The following EXPH5 variants were observed in gnomAD, a reference collection of about 807,000 sequenced individuals.
EXPH5 encodes the protein exophilin 5.
Under a neutral mutation model 41.1 loss-of-function variants are expected in EXPH5, and 42 were observed. The observed-to-expected ratio is 1.02, with a 90% CI of 0.80 to 1.32. The LOEUF (loss-of-function observed/expected upper bound fraction) is 1.32, where lower values mean the gene tolerates loss of function less well. Ranked by LOEUF, EXPH5 falls within the 40% of genes most tolerant of loss-of-function variation. The probability of loss-of-function intolerance (pLI) is 0.00; values close to 1 mark genes in which losing one functional copy is unlikely to be tolerated. For synonymous variants in EXPH5, 798 were observed against 833.5 expected, an observed-to-expected ratio of 0.96 and a Z score of 0.73; for missense variants, 2,298 against 2,314.5, an observed-to-expected ratio of 0.99 and a Z score of 0.15.
In EXPH5 at chr11:108,510,658, C is replaced by A; in HGVS notation, c.4849G>T (p.Ala1617Ser). 8 of 1,614,158 alleles carry A rather than the reference C, an allele frequency of 5.0e-6. No homozygotes were observed. Among genetic ancestry groups the A allele is most frequent in the Non-Finnish European group, 6.8e-6 (8 of 1,180,026 alleles). ...CTTCCACTTTGGGGGAAGATAGTAG[C>A]TACATGTCTTCTGGGGCTTACATCT... ...AKDVSPRRHVATIFPQSGSRS... is the reference protein window; with the variant it reads ...AKDVSPRRHVSTIFPQSGSRS... Residue 1617 changes from alanine (A) to serine (S), a missense_variant, in exon 6 of 6, where the codon GCT (alanine) becomes TCT (serine). Physicochemically the swap from Ala to Ser is moderately conservative, Grantham distance 99. Transcript: ENST00000265843.
upstream of EXPH5, among the ~76,000 whole-genome samples, chr11:108,595,702 G>T (rs11825762): frequency 0.044 from 6,765 of 152,266 alleles, 373 homozygotes; most frequent in African/African-American, 0.13. Flanking sequence ...CACAAGGGAG[G>T]TGATTGTGAA....
At chr11:108,603,617 C>T in the EXPH5 span, among the ~76,000 whole-genome samples, 2 of 152,232 alleles carry the variant, frequency 1.3e-5, no homozygotes, top group African/African-American at 4.8e-5. Context: ...AGTCCACATA[C>T]AAGCTCAGTA....
chr11:108,528,574 A>G (rs1300838641), intron 3 of EXPH5, among the ~76,000 whole-genome samples: 1 of 151,896 alleles, frequency 6.6e-6, no homozygotes, highest in African/African-American at 2.4e-5. Context: ...GGCTACTCCC[A>G]TTTTACGGAT....
intron 1 of EXPH5, among the ~76,000 whole-genome samples, chr11:108,589,025 C>G (rs1366355523): frequency 6.6e-6 from 1 of 152,208 alleles, no homozygotes; most frequent in Non-Finnish European, 1.5e-5. Context: ...AGAACTTGCT[C>G]AAGCCTCCTG....
At chr11:108,567,563 TC>T (rs2094039952) in intron 1 of EXPH5, among the ~76,000 whole-genome samples, 2 of 152,296 alleles carry the variant, frequency 1.3e-5, no homozygotes, top group Admixed American at 1.3e-4. Flanking sequence ...TGTCCTGTCC[TC>T]CCAAACAGAT....
intron 1 of EXPH5, among the ~76,000 whole-genome samples, chr11:108,566,357 G>T (rs2094034520): frequency 6.6e-6 from 1 of 152,176 alleles, no homozygotes; most frequent in Non-Finnish European, 1.5e-5. Context: ...GCATGGAGGG[G>T]GGTGGTGGGG....
At chr11:108,530,414 T>C (rs2093829691) in intron 3 of EXPH5, among the ~76,000 whole-genome samples, 1 of 152,086 alleles carries the variant, frequency 6.6e-6, no homozygotes, top group Non-Finnish European at 1.5e-5. Flanking sequence ...GTAAAATGCA[T>C]GGGAAATGCA....
intron 1 of EXPH5, among the ~76,000 whole-genome samples, chr11:108,587,716 C>T (rs995734199): frequency 2.0e-5 from 3 of 152,184 alleles, no homozygotes; most frequent in Non-Finnish European, 4.4e-5. Context: ...GTCAAACATT[C>T]CATATTTATT....
intron 4 of EXPH5, among the ~76,000 whole-genome samples, chr11:108,524,238 G>T (rs1044417588): frequency 1.3e-5 from 2 of 152,138 alleles, no homozygotes; most frequent in Admixed American, 6.6e-5. Flanking sequence ...TAATCTCTTT[G>T]TACCTTAGTT....
At chr11:108,595,156 G>A (rs556976713), upstream of EXPH5, among the ~76,000 whole-genome samples, 126 of 152,260 alleles carry the variant, frequency 8.3e-4, no homozygotes, top group Admixed American at 4.0e-3. Flanking sequence ...TTCAACCAAC[G>A]TATCCTGGTG....
chr11:108,567,708 A>AATGGG (rs2094040657), intron 1 of EXPH5, among the ~76,000 whole-genome samples: 1 of 152,190 alleles, frequency 6.6e-6, no homozygotes, highest in Non-Finnish European at 1.5e-5. Context: ...TGATCCCCTA[A>AATGGG]ATGTTAAATG....
chr11:108,598,222 T>C (rs1032538555), upstream of EXPH5, among the ~76,000 whole-genome samples: 2 of 152,180 alleles, frequency 1.3e-5, no homozygotes, highest in African/African-American at 4.8e-5. Context: ...TGTCCTCAAA[T>C]TGGTTGAATA....
chr11:108,523,004 C>G (rs1212687836), intron 4 of EXPH5, among the ~76,000 whole-genome samples: 1 of 151,960 alleles, frequency 6.6e-6, no homozygotes, highest in Non-Finnish European at 1.5e-5. Flanking sequence ...ACCTCAGCCT[C>G]TTGAGTAACT....
intron 4 of EXPH5, among the ~76,000 whole-genome samples, chr11:108,523,622 A>C (rs1188089537): frequency 6.6e-6 from 1 of 152,220 alleles, no homozygotes; most frequent in African/African-American, 2.4e-5. Flanking sequence ...CTGTAATCTC[A>C]GCATTTTGGG....
At chr11:108,578,014 CT>C (rs1357648168) in intron 1 of EXPH5, among the ~76,000 whole-genome samples, 1 of 152,034 alleles carries the variant, frequency 6.6e-6, no homozygotes, top group Non-Finnish European at 1.5e-5. Context: ...TTGATTGTTT[CT>C]TTGCTGTGGA....
the EXPH5 span, among the ~76,000 whole-genome samples, chr11:108,605,750 A>G: frequency 2.0e-4 from 31 of 152,326 alleles, no homozygotes; most frequent in African/African-American, 7.0e-4. Flanking sequence ...TGCCATGCCT[A>G]CTGTATAGTG....
chr11:108,574,189 G>A (rs1303609009), intron 1 of EXPH5, among the ~76,000 whole-genome samples: 3 of 151,826 alleles, frequency 2.0e-5, no homozygotes, highest in African/African-American at 4.8e-5. Context: ...GATTACAGGC[G>A]TGAGCCACCG....
chr11:108,573,198 AAAAG>A (rs144108239), intron 1 of EXPH5, among the ~76,000 whole-genome samples: 1,266 of 107,836 alleles, frequency 0.012, 13 homozygotes, highest in Middle Eastern at 0.024. Context: ...GAAAGAAAGA[AAAAG>A]AAAGAAAGAA....
At chr11:108,540,097 C>T (rs540740767) in intron 2 of EXPH5, among the ~76,000 whole-genome samples, 1 of 152,148 alleles carries the variant, frequency 6.6e-6, no homozygotes, top group African/African-American at 2.4e-5. Flanking sequence ...GTGGGCGGTG[C>T]ATCACCTGAG....
Sources: gnomAD v4.1 joint callset for allele counts (sites outside exome capture counted in the v4.1 genomes callset) on GRCh38, gnomAD v4.1.1 for gene constraint, MANE v1.5 for transcripts, NCBI Gene and HGNC (gene_info 2026-07-23, HGNC 2026-07-21) for gene names.